The following PRKCE variants were observed in gnomAD, a reference collection of about 807,000 sequenced individuals.
The protein encoded by PRKCE is protein kinase C epsilon, also known as protein kinase C epsilon type.
A neutral mutation model predicts 85.4 loss-of-function variants in PRKCE; 16 were observed. That is an observed-to-expected ratio of 0.19 (90% CI 0.13 to 0.28). The LOEUF is 0.28. Among genes scored for constraint, PRKCE ranks in the 10% least tolerant of loss-of-function variants. PRKCE has a pLI of 1.00. For synonymous variants in PRKCE, 388 were observed against 371.5 expected (o/e 1.04, Z -0.51); for missense variants, 573 against 975.2 (o/e 0.59, Z 5.49).
intron 10 of PRKCE, among the ~76,000 whole-genome samples, chr2:46,083,753 C>G (rs926230769): frequency 6.6e-6 from 1 of 152,160 alleles, no homozygotes; most frequent in Admixed American, 6.5e-5. Context: ...TTGGGGGGCT[C>G]AGGAATCCAT....
intron 1 of PRKCE, among the ~76,000 whole-genome samples, chr2:45,818,288 C>A (rs149228053): frequency 7.8e-4 from 119 of 152,248 alleles, no homozygotes; most frequent in African/African-American, 2.7e-3. Flanking sequence ...AATCTTGTGA[C>A]TTGTAGATTT....
At chr2:46,034,106 G>A (rs1208426697) in intron 10 of PRKCE, among the ~76,000 whole-genome samples, 1 of 152,230 alleles carries the variant, frequency 6.6e-6, no homozygotes, top group African/African-American at 2.4e-5. Flanking sequence ...TAGGCTTTTA[G>A]AAATTTGGCT....
chr2:46,130,470 T>G (rs1326948189), intron 11 of PRKCE, among the ~76,000 whole-genome samples: 2 of 152,250 alleles, frequency 1.3e-5, no homozygotes, highest in African/African-American at 4.8e-5. Flanking sequence ...GCGTACAGTC[T>G]CACAACACAT....
intron 2 of PRKCE, among the ~76,000 whole-genome samples, chr2:45,855,343 G>A (rs773570806): frequency 6.6e-6 from 1 of 152,190 alleles, no homozygotes. Flanking sequence ...GGTATTTACA[G>A]AATGCTTAAA....
chr2:46,050,393 G>A (rs937059565), intron 10 of PRKCE, among the ~76,000 whole-genome samples: 28 of 152,204 alleles, frequency 1.8e-4, no homozygotes, highest in Admixed American at 1.6e-3. Context: ...CCAGTGTTCC[G>A]CTCGTTAAAA....
At chr2:45,777,720 C>A (rs1403578322) in intron 1 of PRKCE, among the ~76,000 whole-genome samples, 1 of 152,030 alleles carries the variant, frequency 6.6e-6, no homozygotes, top group Admixed American at 6.5e-5. Flanking sequence ...GGGAAAGAGT[C>A]AGGATTTGGA....
chr2:45,830,954 T>A, intron 1 of PRKCE, among the ~76,000 whole-genome samples: 1 of 152,180 alleles, frequency 6.6e-6, no homozygotes, highest in East Asian at 1.9e-4. Flanking sequence ...AGGAAGATAA[T>A]GGATTTCCAA....
intron 2 of PRKCE, among the ~76,000 whole-genome samples, chr2:45,887,240 C>T (rs957812659): frequency 6.6e-5 from 10 of 152,198 alleles, no homozygotes; most frequent in Admixed American, 5.2e-4. Flanking sequence ...GCATTTTGGC[C>T]ACAGTCAACC....
chr2:45,682,662 C>T (rs1676999614), intron 1 of PRKCE, among the ~76,000 whole-genome samples: 1 of 152,234 alleles, frequency 6.6e-6, no homozygotes, highest in Non-Finnish European at 1.5e-5. Context: ...TCTCCACTCA[C>T]TGTAACCTCC....
At chr2:45,975,275 G>T (rs927197806) in intron 2 of PRKCE, among the ~76,000 whole-genome samples, 24 of 152,148 alleles carry the variant, frequency 1.6e-4, no homozygotes, top group African/African-American at 5.3e-4. Context: ...GTAAGCCCAC[G>T]ATAAACATTT....
At chr2:45,979,094 C>A in intron 4 of PRKCE, 84 bp downstream of exon 4, 1 of 1,327,348 alleles carries the variant, frequency 7.5e-7, no homozygotes, top group South Asian at 1.2e-5. Flanking sequence ...GGTGCTCAGT[C>A]TGATGACATT....
chr2:45,898,394 T>C (rs959711943), intron 2 of PRKCE, among the ~76,000 whole-genome samples: 1 of 152,162 alleles, frequency 6.6e-6, no homozygotes, highest in South Asian at 2.1e-4. Context: ...TCTCAGTGGG[T>C]AACAGAGAGC....
rs140261639 is a variant in PRKCE at position 46,079,662 on chromosome 2, G to A, written c.1438-6546G>A. 1.3e-3 allele frequency among the ~76,000 whole-genome samples: 202 copies of A among 152,318 alleles called. 1 individual carries two copies. The highest frequency in any genetic ancestry group is 4.5e-3 in the African/African-American group (189 of 41,576). Reference sequence around the variant, plus strand: ...TTTAGTTGGTCATTTATGTGAAATCGATGTAAGAGCTATAAAATCTTTGCA... The same window carrying A: ...TTTAGTTGGTCATTTATGTGAAATCAATGTAAGAGCTATAAAATCTTTGCA... On this transcript the variant is annotated intron_variant, in intron 10 of 14. Coordinates refer to ENST00000306156, the MANE Select transcript of PRKCE (RefSeq NM_005400.3).
At chr2:45,906,962 G>A (rs934445031) in intron 2 of PRKCE, among the ~76,000 whole-genome samples, 1 of 152,154 alleles carries the variant, frequency 6.6e-6, no homozygotes, top group African/African-American at 2.4e-5. Context: ...GTGAGTGTGG[G>A]CCCAGAGAAC....
At chr2:45,837,414 A>G (rs1255475448) in intron 1 of PRKCE, among the ~76,000 whole-genome samples, 1 of 152,008 alleles carries the variant, frequency 6.6e-6, no homozygotes, top group Non-Finnish European at 1.5e-5. Flanking sequence ...ATGCCTCCAC[A>G]CCCAGCTAAT....
intron 1 of PRKCE, among the ~76,000 whole-genome samples, chr2:45,703,022 C>CCCG (rs1553382487): frequency 1.8e-5 from 1 of 55,128 alleles, no homozygotes; most frequent in African/African-American, 7.4e-5. Flanking sequence ...AGCCTTTTTT[C>CCCG]CCCCCCCGTC....
rs532513513 is a variant in PRKCE, at chr2:46,126,363, C to G, written c.1593-18730C>G. The stretch of plus-strand genomic sequence containing the variant: ...CCTCGCTGCCTATTGGGGGCATTCA[C>G]ATTTTCTTGTAATATATACTACACC... On this transcript the variant is annotated intron_variant, in intron 11 of 14. Transcript: ENST00000306156. Among the ~76,000 whole-genome samples, 29 of 152,218 alleles carry G rather than the reference C, an allele frequency of 1.9e-4. No homozygotes were observed. In the South Asian group the frequency reaches 5.8e-3, roughly 30 times the overall value.
intron 1 of PRKCE, among the ~76,000 whole-genome samples, chr2:45,699,334 A>G (rs1167903403): frequency 6.6e-6 from 1 of 152,188 alleles, no homozygotes; most frequent in African/African-American, 2.4e-5. Context: ...CAGAGTTAAG[A>G]TGCTGAAATA....
At chr2:46,165,500 G>C (rs534734526) in intron 14 of PRKCE, among the ~76,000 whole-genome samples, 1 of 152,226 alleles carries the variant, frequency 6.6e-6, no homozygotes, top group Non-Finnish European at 1.5e-5. Flanking sequence ...CAAAGCCTTC[G>C]ATGCTGGAGA....
Sources: gnomAD v4.1 joint callset for allele counts (sites outside exome capture counted in the v4.1 genomes callset) on GRCh38, gnomAD v4.1.1 for gene constraint, MANE v1.5 for transcripts, NCBI Gene and HGNC (gene_info 2026-07-23, HGNC 2026-07-21) for gene names.